Variants in MIB2 observed in about 807,000 individuals in gnomAD.
The protein encoded by MIB2 is MIB E3 ubiquitin protein ligase 2, also known as E3 ubiquitin-protein ligase MIB2.
MIB2 carries 78 observed loss-of-function variants against 96.6 expected under a neutral mutation model. The ratio of observed to expected loss-of-function variants is 0.81; its 90% confidence interval spans 0.67 to 0.97. MIB2 has a LOEUF of 0.97. Among genes scored for constraint, MIB2 ranks in the 50% least tolerant of loss-of-function variants. MIB2 has a pLI of 0.00. For synonymous variants in MIB2, 820 were observed against 629.5 expected (o/e 1.30, Z -4.53); for missense variants, 1,543 against 1,424.0 (o/e 1.08, Z -1.35).
chr1:1,627,872 G>A, intron 13 of MIB2, 43 bp downstream of exon 13: 1 of 1,595,684 alleles, frequency 6.3e-7, no homozygotes, highest in Non-Finnish European at 8.5e-7. Flanking sequence ...GCCCGTGAGT[G>A]CTTGTCCCTG....
rs1420114668 is a variant in MIB2 at position 1,628,084 on chromosome 1, C to T, written c.1746C>T (p.Val582=). Residue 582 remains valine (V), a synonymous_variant, in exon 14 of 20, where the codon GTC becomes GTT. Coordinates refer to ENST00000355826, the MANE Select transcript of MIB2 (RefSeq NM_001170687.4). ...ISAGTGASGI[V]EVLTEVPNID... ...CGGGCACTGGAGCCAGCGGCATTGTCGAGGTCCTCACGGAGGTGCCAAACA... is the reference window on the plus strand; with the variant it reads ...CGGGCACTGGAGCCAGCGGCATTGTTGAGGTCCTCACGGAGGTGCCAAACA... 8.1e-6 allele frequency: 13 copies of T among 1,613,138 alleles called. No individual in the cohort carries two copies. The highest frequency in any genetic ancestry group is 4.0e-5 in the African/African-American group (3 of 74,930).
At chr1:1,618,987 A>T (rs1569616204) in intron 2 of MIB2, 1 of 152,518 alleles carries the variant, frequency 6.6e-6, no homozygotes, top group East Asian at 1.9e-4. Flanking sequence ...GCCCAGTGGC[A>T]GGTCTTGGGT....
At chr1:1,630,008 C>T (rs1433048994) in intron 19 of MIB2, among the ~76,000 whole-genome samples, 6 of 148,300 alleles carry the variant, frequency 4.0e-5, no homozygotes, top group Admixed American at 2.7e-4. Flanking sequence ...AGATCACAGC[C>T]CACCCAGAGC....
rs752278909 is a variant in MIB2 at position 1,627,173 on chromosome 1, G to A, written c.1340G>A (p.Arg447Gln). ...VVEVALGNAA[R>Q]ALDLLRRRPE... ...GAGGTGGCGCTGGGTAACGCAGCCC[G>A]GGCTCTGGACCTGCTGCGGAGGCGC... Residue 447 changes from arginine (R) to glutamine (Q), a missense_variant, in exon 11 of 20, where the codon CGG (arginine) becomes CAG (glutamine). Arg to Gln is a conservative substitution (Grantham distance 43). Transcript: ENST00000355826. The A allele has an allele frequency of 1.4e-4, 229 of 1,592,252 alleles. 1 individual carries two copies. The highest frequency in any genetic ancestry group is 1.9e-4 in the Non-Finnish European group (218 of 1,170,170).
At position 1,626,571 on chromosome 1, in the gene MIB2, G is replaced by A; in HGVS notation, c.973-79G>A. ...AGGCCTGCCTGTCTCGTGGAGCTCA[G>A]CAGGTTGCCCTCCTGTTGCATGAGC... On this transcript the variant is annotated intron_variant, in intron 8 of 19. Transcript: ENST00000355826. The surrounding 1 kb of genome is among the most constrained non-coding windows in gnomAD (Gnocchi z 5.3). 2 of 1,223,388 alleles carry A rather than the reference G, an allele frequency of 1.6e-6. No individual in the cohort carries two copies. The highest frequency in any genetic ancestry group is 2.2e-6 in the Non-Finnish European group (2 of 893,904). 75.8% of individuals were successfully genotyped at this position (1,223,388 alleles called of 1,614,324 possible).
rs1355420158 is a variant in MIB2, at chr1:1,630,318, C to T, written c.2656C>T (p.Pro886Ser). The T allele has an allele frequency of 6.5e-7, 1 of 1,530,830 alleles. No homozygotes were observed. The highest frequency in any genetic ancestry group is 8.7e-7 in the Non-Finnish European group (1 of 1,143,132). 94.8% of individuals were successfully genotyped at this position (1,530,830 alleles called of 1,614,324 possible). ...PDGSEVASAA[P>S]APGPPRQLVE... ...CGGCTCTGAGGTGGCGAGCGCCGCC[C>T]CCGCCCCCGGCCCGCCGCGCCAGCT... is the stretch of plus-strand genomic sequence containing the variant. The change falls in exon 20 of 20, where the codon CCC (proline) becomes TCC (serine). Residue 886 changes from proline (P) to serine (S), a missense_variant. Pro to Ser is a moderately conservative substitution (Grantham distance 74). Transcript: ENST00000355826.
rs1557599650 is a variant in MIB2 at position 1,626,772 on chromosome 1, CCCCGCCGCT to C, written c.1077+19_1077+27del. 1 of 1,564,740 alleles carries C rather than the reference CCCCGCCGCT, an allele frequency of 6.4e-7. No individual in the cohort carries two copies. Among genetic ancestry groups the C allele is most frequent in the South Asian group, 1.2e-5 (1 of 86,758 alleles). On this transcript the variant is annotated intron_variant, in intron 9 of 19. Coordinates refer to ENST00000355826, the MANE Select transcript of MIB2 (RefSeq NM_001170687.4). This position sits in a 1 kb window ranked among gnomAD's most constrained non-coding sequence, Gnocchi z 5.3. Reference sequence around the variant, plus strand: ...TGGCCCCTGTGAGTCCCCCTGCCACCCCCGCCGCTAGCGCCGCTGCCCCCCACACCTGCA... The same window carrying C: ...TGGCCCCTGTGAGTCCCCCTGCCACCAGCGCCGCTGCCCCCCACACCTGCA...
intron 2 of MIB2, chr1:1,617,496 C>T (rs1203907666): frequency 1.1e-4 from 16 of 152,236 alleles, no homozygotes; most frequent in Admixed American, 1.0e-3. Context: ...GACCCGGTGT[C>T]TGCTTGCGTG....
chr1:1,625,063 G>A lies in MIB2; in HGVS notation c.599G>A (p.Ser200Asn). 6.2e-7 allele frequency: 1 copy of A among 1,613,294 alleles called. No individual in the cohort carries two copies. Among genetic ancestry groups the A allele is most frequent in the Non-Finnish European group, 8.5e-7 (1 of 1,180,000 alleles). ...WDVETGRSVA[S>N]VTWADGTTNV... ...GTGGAGACAGGCCGGAGTGTGGCCA[G>A]CGTGACGTGGGCTGATGGTACCACC... Residue 200 changes from serine (S) to asparagine (N), a missense_variant, in exon 6 of 20, where the codon AGC (serine) becomes AAC (asparagine). Transcript: ENST00000355826. The surrounding 1 kb of genome is among the most constrained non-coding windows in gnomAD (Gnocchi z 5.0).
In MIB2 at chr1:1,625,786, G is replaced by A; in HGVS notation, c.972+133G>A. 1.4e-6 allele frequency: 1 copy of A among 735,260 alleles called. No homozygotes were observed. 45.5% of individuals were successfully genotyped at this position (735,260 alleles called of 1,614,324 possible). A position where few individuals can be genotyped will look rare whatever the true frequency, so the allele number is the denominator to read the frequency against. ...CGAGTCCCCAGCCCTGAAGGAAGGG[G>A]AGGGACTGGTGGGTGGAGGTGGGTG... On this transcript the variant is annotated intron_variant, in intron 8 of 19. Transcript: ENST00000355826. The surrounding 1 kb of genome is among the most constrained non-coding windows in gnomAD (Gnocchi z 5.0).
chr1:1,617,341 G>C (rs1203976375), intron 2 of MIB2: 8 of 152,288 alleles, frequency 5.3e-5, no homozygotes, highest in African/African-American at 1.9e-4. Flanking sequence ...TGGTTTCTAT[G>C]GCTTTTAAAG....
In MIB2 at chr1:1,625,361, T is replaced by C; in HGVS notation, c.797T>C (p.Leu266Pro). The C allele has an allele frequency of 6.3e-7, 1 of 1,587,204 alleles. No individual in the cohort carries two copies. The highest frequency in any genetic ancestry group is 8.6e-7 in the Non-Finnish European group (1 of 1,167,574). ...PFQHGDKVKCLLDTDVLREMQ... is the reference protein window; with the variant it reads ...PFQHGDKVKCPLDTDVLREMQ... ...CAGCACGGGGACAAGGTCAAGTGTC[T>C]GCTGGACACTGATGTCCTGCGGGAG... Residue 266 changes from leucine (L) to proline (P), a missense_variant, in exon 7 of 20, where the codon CTG becomes CCG. Coordinates refer to ENST00000355826, the MANE Select transcript of MIB2 (RefSeq NM_001170687.4). This position sits in a 1 kb window ranked among gnomAD's most constrained non-coding sequence, Gnocchi z 5.0.
intron 2 of MIB2, among the ~76,000 whole-genome samples, chr1:1,620,609 G>A (rs7543265): frequency 0.34 from 51,345 of 152,178 alleles, 8,985 homozygotes; most frequent in African/African-American, 0.39. Context: ...TTGTCCCCCC[G>A]CCAGCAGACT....
intron 15 of MIB2, 28 bp from the exon 16 acceptor site, chr1:1,628,461 G>A: frequency 6.3e-7 from 1 of 1,596,808 alleles, no homozygotes; most frequent in Non-Finnish European, 8.5e-7. Flanking sequence ...GGGGTCCCTG[G>A]GCTGAGCCCG....
Position 1,629,716 on chromosome 1 carries a change from T to A in MIB2, c.2629+12T>A. Reference sequence around the variant, plus strand: ...GAAACTGCGCCCAGGTGGGTGAGGCTCTGCGCCCCCAACACGCCTCCTGCT... The same window carrying A: ...GAAACTGCGCCCAGGTGGGTGAGGCACTGCGCCCCCAACACGCCTCCTGCT... On this transcript the variant is annotated intron_variant, in intron 19 of 19. Coordinates refer to ENST00000355826, the MANE Select transcript of MIB2 (RefSeq NM_001170687.4). 6.3e-7 allele frequency: 1 copy of A among 1,579,214 alleles called. No homozygotes were observed. Among genetic ancestry groups the A allele is most frequent in the South Asian group, 1.2e-5 (1 of 86,052 alleles).
At chr1:1,621,002 C>G (rs1557566873) in intron 2 of MIB2, among the ~76,000 whole-genome samples, 2 of 152,250 alleles carry the variant, frequency 1.3e-5, no homozygotes, top group Non-Finnish European at 2.9e-5. Flanking sequence ...GCTGGGATGG[C>G]TAGAAGCGGC....
chr1:1,622,547 G>A (rs977271259), intron 2 of MIB2, among the ~76,000 whole-genome samples: 7 of 152,224 alleles, frequency 4.6e-5, no homozygotes, highest in Non-Finnish European at 1.0e-4. Context: ...AAACGGAGCC[G>A]CCTGGCATGG....
intron 19 of MIB2, among the ~76,000 whole-genome samples, chr1:1,629,926 C>G (rs1413219564): frequency 1.4e-5 from 2 of 147,434 alleles, no homozygotes; most frequent in Admixed American, 1.3e-4. Context: ...ACACCCTCCT[C>G]CCCCATCACA....
intron 12 of MIB2, 49 bp from the exon 13 acceptor site, chr1:1,627,624 C>G: frequency 6.4e-7 from 1 of 1,553,158 alleles, no homozygotes. Flanking sequence ...GCCTGTGCGT[C>G]CAGCCACCGG....
Sources: allele counts gnomAD v4.1 joint callset (sites outside exome capture counted in the v4.1 genomes callset), GRCh38; gene constraint gnomAD v4.1.1; non-coding constraint Gnocchi (gnomAD v3.1); transcripts MANE v1.5; gene names NCBI Gene and HGNC (gene_info 2026-07-23, HGNC 2026-07-21).